The following FAM168A variants were observed in gnomAD, a reference collection of about 807,000 sequenced individuals.
FAM168A encodes family with sequence similarity 168 member A.
Under a neutral mutation model 28.5 loss-of-function variants are expected in FAM168A, and 3 were observed. That is an observed-to-expected ratio of 0.11 (90% CI 0.05 to 0.27). FAM168A has a LOEUF of 0.27. Among genes scored for constraint, FAM168A ranks in the 10% least tolerant of loss-of-function variants. The probability of loss-of-function intolerance (pLI) is 1.00; values close to 1 mark genes in which losing one functional copy is unlikely to be tolerated. For synonymous variants in FAM168A, 122 were observed against 124.2 expected, an observed-to-expected ratio of 0.98 and a Z score of 0.12; for missense variants, 222 against 311.5, an observed-to-expected ratio of 0.71 and a Z score of 2.16.
At chr11:73,457,723 C>CAAAAAAAA (rs58142151) in intron 2 of FAM168A, among the ~76,000 whole-genome samples, 14 of 37,538 alleles carry the variant, frequency 3.7e-4, no homozygotes, top group Non-Finnish European at 8.5e-4. Flanking sequence ...GCCTGGGTGA[C>CAAAAAAAA]AAAAAAAAAA....
At chr11:73,545,904 G>T (rs1943745172) in intron 1 of FAM168A, among the ~76,000 whole-genome samples, 1 of 149,700 alleles carries the variant, frequency 6.7e-6, no homozygotes, top group East Asian at 2.0e-4. Flanking sequence ...TGAGATGAGG[G>T]TTAGCAATTC....
chr11:73,468,277 C>G, intron 2 of FAM168A, 128 bp downstream of exon 2: 1 of 739,614 alleles, frequency 1.4e-6, no homozygotes, highest in Non-Finnish European at 2.2e-6. Flanking sequence ...GGACCTCAGA[C>G]ATATCTTCTG....
At chr11:73,465,880 CAA>C (rs2134572258) in intron 2 of FAM168A, among the ~76,000 whole-genome samples, 1 of 152,038 alleles carries the variant, frequency 6.6e-6, no homozygotes, top group African/African-American at 2.4e-5. Context: ...TAGATTGCTG[CAA>C]GTGTAAAAAT....
At chr11:73,431,512 CAT>C (rs145073452) in intron 2 of FAM168A, among the ~76,000 whole-genome samples, 5,973 of 152,220 alleles carry the variant, frequency 0.039, 404 homozygotes, top group African/African-American at 0.14. Flanking sequence ...TTTTTATATA[CAT>C]ATATTCAGTG....
At chr11:73,437,588 C>A (rs902615476) in intron 2 of FAM168A, among the ~76,000 whole-genome samples, 3 of 151,950 alleles carry the variant, frequency 2.0e-5, no homozygotes, top group African/African-American at 7.3e-5. Context: ...AAAGCACCGA[C>A]TGGAGAGCTC....
intron 1 of FAM168A, among the ~76,000 whole-genome samples, chr11:73,552,337 C>T (rs995612465): frequency 3.9e-5 from 6 of 152,204 alleles, no homozygotes; most frequent in Admixed American, 6.5e-5. Flanking sequence ...ATGTCTAGCT[C>T]ATATGGGCAT....
chr11:73,515,980 A>G (rs138062174), intron 1 of FAM168A, among the ~76,000 whole-genome samples: 2,761 of 152,194 alleles, frequency 0.018, 63 homozygotes, highest in African/African-American at 0.056. Context: ...ATATGCCTGT[A>G]ATCCCAGCTA....
intron 1 of FAM168A, among the ~76,000 whole-genome samples, chr11:73,589,656 C>T (rs542638325): frequency 2.6e-4 from 39 of 152,310 alleles, no homozygotes; most frequent in Non-Finnish European, 4.4e-4. Context: ...CGGCTGGGCA[C>T]GGTGGCTCAC....
At chr11:73,556,927 G>A (rs1252638492) in intron 1 of FAM168A, among the ~76,000 whole-genome samples, 1 of 151,850 alleles carries the variant, frequency 6.6e-6, no homozygotes, top group Non-Finnish European at 1.5e-5. Flanking sequence ...TACTTGGGTG[G>A]CTGAGGCACA....
chr11:73,413,673 CAAAGA>C (rs1237158653), intron 4 of FAM168A, among the ~76,000 whole-genome samples: 1 of 152,016 alleles, frequency 6.6e-6, no homozygotes, highest in Non-Finnish European at 1.5e-5. Context: ...TTGTTTTTGC[CAAAGA>C]AAAGGAAACA....
chr11:73,538,678 T>C (rs1322676638), intron 1 of FAM168A, among the ~76,000 whole-genome samples: 1 of 152,226 alleles, frequency 6.6e-6, no homozygotes, highest in Non-Finnish European at 1.5e-5. Flanking sequence ...AGATGGCTTG[T>C]CAAAGAGCCT....
At chr11:73,536,559 T>C (rs1197372744) in intron 1 of FAM168A, among the ~76,000 whole-genome samples, 1 of 152,050 alleles carries the variant, frequency 6.6e-6, no homozygotes, top group African/African-American at 2.4e-5. Flanking sequence ...TGGTGGTGCA[T>C]GGCTGTAATC....
At position 73,535,266 on chromosome 11, in the gene FAM168A, A is replaced by G. The variant is rs997558269; in HGVS notation, c.-19+62657T>C. On this transcript the variant is annotated intron_variant, in intron 1 of 7. Coordinates refer to ENST00000356467, the MANE Select transcript of FAM168A (RefSeq NM_015159.3). ...GAAAACACATCTAATAAACTCAGTA[A>G]TTTGGGAGAATCACACAAGGCTGGA... Among the ~76,000 whole-genome samples the G allele has an allele frequency of 3.3e-5, 5 of 152,140 alleles. No homozygotes were observed. The South Asian group carries it at 1.0e-3, about 32-fold the overall frequency.
chr11:73,454,497 C>G (rs998790497), intron 2 of FAM168A, among the ~76,000 whole-genome samples: 3 of 152,208 alleles, frequency 2.0e-5, no homozygotes, highest in African/African-American at 7.2e-5. Context: ...TGACACCAAC[C>G]TCTTGATAGG....
intron 2 of FAM168A, among the ~76,000 whole-genome samples, chr11:73,438,924 C>A (rs1357762795): frequency 6.6e-6 from 1 of 152,164 alleles, no homozygotes; most frequent in African/African-American, 2.4e-5. Flanking sequence ...ACTCTAACTG[C>A]AGGGTTTGCA....
chr11:73,459,707 A>T lies in FAM168A; in HGVS notation c.70+8698T>A, dbSNP rs1283544936. Among the ~76,000 whole-genome samples the T allele has an allele frequency of 2.6e-5, 4 of 152,014 alleles. No homozygotes were observed. In the East Asian group the frequency reaches 7.7e-4, roughly 29 times the overall value. On this transcript the variant is annotated intron_variant, in intron 2 of 7. Coordinates refer to ENST00000356467, the MANE Select transcript of FAM168A (RefSeq NM_015159.3). ...AAGGAATTGTCAAATTTCAACTATC[A>T]TTGTTCTAAAAAAGAATAATTGCTG... is the stretch of plus-strand genomic sequence containing the variant.
rs1264446167 is a variant in FAM168A at position 73,404,640 on chromosome 11, T to G, written c.*2123A>C. The G allele has an allele frequency of 6.6e-6, 1 of 152,210 alleles. No individual in the cohort carries two copies. The highest frequency in any genetic ancestry group is 1.5e-5 in the Non-Finnish European group (1 of 68,042). 9.4% of individuals were successfully genotyped at this position (152,210 alleles called of 1,614,324 possible). A position where few individuals can be genotyped will look rare whatever the true frequency, so the allele number is the denominator to read the frequency against. On this transcript the variant is annotated 3_prime_UTR_variant, in exon 8 of 8. Transcript: ENST00000356467. ...AGATAATTTAGAACAGCTGAATTTT[T>G]TCTTACTGGTCCTAAAGTTCCTTGG...
intron 1 of FAM168A, among the ~76,000 whole-genome samples, chr11:73,596,946 C>T (rs945197960): frequency 2.0e-5 from 3 of 152,092 alleles, no homozygotes; most frequent in African/African-American, 7.2e-5. Context: ...GATACCATCC[C>T]CCAACTTTGC....
intron 1 of FAM168A, among the ~76,000 whole-genome samples, chr11:73,500,816 A>G (rs1486662482): frequency 2.0e-5 from 3 of 152,244 alleles, no homozygotes; most frequent in Non-Finnish European, 4.4e-5. Context: ...TCATGATGAC[A>G]GGATCAAATT....
Sources: gnomAD v4.1 joint callset for allele counts (sites outside exome capture counted in the v4.1 genomes callset) on GRCh38, gnomAD v4.1.1 for gene constraint, MANE v1.5 for transcripts, NCBI Gene and HGNC (gene_info 2026-07-23, HGNC 2026-07-21) for gene names.